The following MYRIP variants were observed in gnomAD, a reference collection of about 807,000 sequenced individuals.
The protein encoded by MYRIP is rab effector MyRIP.
MYRIP carries 49 observed loss-of-function variants against 98.0 expected under a neutral mutation model. The observed-to-expected ratio is 0.50, with a 90% CI of 0.40 to 0.63. MYRIP has a LOEUF of 0.63. Ranked by LOEUF, MYRIP falls within the 30% of genes least tolerant of loss-of-function variation. MYRIP has a pLI of 0.00. For missense variants in MYRIP, 1,004 were observed against 1,058.2 expected (o/e 0.95, Z 0.71); for synonymous variants, 404 against 409.5 (o/e 0.99, Z 0.16).
intron 1 of MYRIP, among the ~76,000 whole-genome samples, chr3:39,877,247 A>T (rs1943025407): frequency 6.6e-6 from 1 of 151,776 alleles, no homozygotes; most frequent in African/African-American, 2.4e-5. Flanking sequence ...ATTCTTCTAA[A>T]TTTTTTTCAA....
At chr3:39,896,911 C>T (rs1275014883) in intron 1 of MYRIP, among the ~76,000 whole-genome samples, 2 of 151,922 alleles carry the variant, frequency 1.3e-5, no homozygotes, top group Non-Finnish European at 2.9e-5. Flanking sequence ...GTAGACACAT[C>T]TGTGTCCTTC....
At chr3:39,846,386 C>T (rs1941967070) in intron 1 of MYRIP, among the ~76,000 whole-genome samples, 3 of 152,224 alleles carry the variant, frequency 2.0e-5, no homozygotes, top group Admixed American at 2.0e-4. Context: ...TCGTCTGACC[C>T]TGTCTCCCAC....
At position 40,177,641 on chromosome 3, in the gene MYRIP, G is replaced by A. The variant is rs184372478; in HGVS notation, c.874-4579G>A. ...TCATTGTGCGCTCTCTGCCAGTATG[G>A]GGGTCAGTGCGACCTGGCTTTCAAA... On this transcript the variant is annotated intron_variant, in intron 8 of 16. Coordinates refer to ENST00000302541, the MANE Select transcript of MYRIP (RefSeq NM_015460.4). Among the ~76,000 whole-genome samples the A allele has an allele frequency of 2.6e-5, 4 of 152,274 alleles. No homozygotes were observed. The East Asian group carries it at 7.7e-4, about 29-fold the overall frequency.
At chr3:40,151,746 C>G (rs1950126717) in intron 4 of MYRIP, among the ~76,000 whole-genome samples, 3 of 152,156 alleles carry the variant, frequency 2.0e-5, no homozygotes, top group African/African-American at 7.2e-5. Flanking sequence ...ATTCTTTAGT[C>G]CTATTAGATC....
intron 2 of MYRIP, among the ~76,000 whole-genome samples, chr3:39,942,683 T>C (rs575466222): frequency 6.6e-6 from 1 of 152,282 alleles, no homozygotes; most frequent in East Asian, 1.9e-4. Flanking sequence ...TTCTTCTCAC[T>C]ATTTTGAAAT....
intron 2 of MYRIP, among the ~76,000 whole-genome samples, chr3:39,991,280 C>T (rs1946168908): frequency 6.6e-6 from 1 of 152,154 alleles, no homozygotes; most frequent in Non-Finnish European, 1.5e-5. Flanking sequence ...TGTTCCTATT[C>T]CCTTGAGGCT....
chr3:39,887,918 C>A (rs1438908423), intron 1 of MYRIP, among the ~76,000 whole-genome samples: 1 of 151,812 alleles, frequency 6.6e-6, no homozygotes, highest in African/African-American at 2.4e-5. Context: ...TGAGTGAACT[C>A]CCATTCACAA....
chr3:39,966,074 C>T (rs1025755247), intron 2 of MYRIP, among the ~76,000 whole-genome samples: 2 of 152,198 alleles, frequency 1.3e-5, no homozygotes, highest in Non-Finnish European at 2.9e-5. Flanking sequence ...CTAAGGCAGA[C>T]AGGTGGCTAC....
chr3:39,973,082 C>T (rs2125747337), intron 2 of MYRIP, among the ~76,000 whole-genome samples: 1 of 151,982 alleles, frequency 6.6e-6, no homozygotes, highest in African/African-American at 2.4e-5. Context: ...GGGCTAAATG[C>T]CCCAATTAAA....
chr3:39,944,393 A>G (rs1944854932), intron 2 of MYRIP, among the ~76,000 whole-genome samples: 1 of 152,176 alleles, frequency 6.6e-6, no homozygotes, highest in African/African-American at 2.4e-5. Flanking sequence ...AGTACTCTAT[A>G]CTGATACACA....
At chr3:40,011,001 C>G (rs1287357879) in intron 2 of MYRIP, among the ~76,000 whole-genome samples, 2 of 152,230 alleles carry the variant, frequency 1.3e-5, no homozygotes, top group East Asian at 3.9e-4. Context: ...GGGTTTAGGA[C>G]TAGTGGGGTG....
intron 1 of MYRIP, among the ~76,000 whole-genome samples, chr3:39,843,318 C>G (rs1575296037): frequency 1.3e-5 from 2 of 152,238 alleles, no homozygotes; most frequent in East Asian, 3.9e-4. Context: ...AAAATGTACA[C>G]TCCAGTCTAG....
chr3:39,872,091 CA>C, intron 1 of MYRIP, among the ~76,000 whole-genome samples: 1 of 151,846 alleles, frequency 6.6e-6, no homozygotes, highest in East Asian at 1.9e-4. Context: ...TCTAATCTTC[CA>C]GCTTTATTTT....
At chr3:39,967,494 G>A (rs7616233) in intron 2 of MYRIP, among the ~76,000 whole-genome samples, 44,644 of 151,918 alleles carry the variant, frequency 0.29, 6,925 homozygotes, top group Non-Finnish European at 0.35. Context: ...TCCTTGATGG[G>A]CATTTAGGTT....
chr3:39,873,452 T>G (rs1224350977), intron 1 of MYRIP, among the ~76,000 whole-genome samples: 1 of 152,238 alleles, frequency 6.6e-6, no homozygotes, highest in Non-Finnish European at 1.5e-5. Context: ...GGTTTTCTTC[T>G]AGGATTTTTA....
intron 2 of MYRIP, among the ~76,000 whole-genome samples, chr3:40,013,532 A>C (rs1946803961): frequency 6.6e-6 from 1 of 152,246 alleles, no homozygotes; most frequent in African/African-American, 2.4e-5. Flanking sequence ...TACTGGAAAG[A>C]GGGAACCTCT....
chr3:40,112,356 A>G (rs1949176786), intron 3 of MYRIP, among the ~76,000 whole-genome samples: 1 of 152,326 alleles, frequency 6.6e-6, no homozygotes, highest in East Asian at 1.9e-4. Flanking sequence ...GTTGGCCCTA[A>G]CAGTGTTTGA....
intron 1 of MYRIP, among the ~76,000 whole-genome samples, chr3:39,825,256 T>A (rs1252931973): frequency 3.9e-5 from 6 of 152,186 alleles, no homozygotes; most frequent in Non-Finnish European, 7.3e-5. Flanking sequence ...ATAGTGGACA[T>A]CCTCGTCTTG....
chr3:40,257,192 C>T (rs900957763), intron 16 of MYRIP, among the ~76,000 whole-genome samples: 4 of 152,072 alleles, frequency 2.6e-5, no homozygotes, highest in African/African-American at 9.7e-5. Context: ...GTCATGGTGG[C>T]ATATGCCTGT....
Sources: allele counts gnomAD v4.1 joint callset (sites outside exome capture counted in the v4.1 genomes callset), GRCh38; gene constraint gnomAD v4.1.1; transcripts MANE v1.5; gene names NCBI Gene and HGNC (gene_info 2026-07-23, HGNC 2026-07-21).